DNMT3B: variants seen among roughly 807,000 people sequenced by gnomAD.
DNMT3B encodes DNA methyltransferase 3 beta.
DNMT3B carries 37 observed loss-of-function variants against 120.2 expected under a neutral mutation model. That is an observed-to-expected ratio of 0.31 (90% CI 0.24 to 0.40). The LOEUF (loss-of-function observed/expected upper bound fraction) is 0.40. DNMT3B is among the 10% of genes least tolerant of loss of function. The probability of loss-of-function intolerance (pLI) is 1.00; values close to 1 mark genes in which losing one functional copy is unlikely to be tolerated. For synonymous variants in DNMT3B, 412 were observed against 442.8 expected (o/e 0.93, Z 0.87); for missense variants, 878 against 1,137.3 (o/e 0.77, Z 3.28).
At chr20:32,792,957 C>T (rs1284834563) in intron 9 of DNMT3B, among the ~76,000 whole-genome samples, 187 bp downstream of exon 9, 2 of 152,242 alleles carry the variant, frequency 1.3e-5, no homozygotes, top group East Asian at 3.8e-4. Context: ...TCCCCGGCCA[C>T]TTTCTTGCTG....
intron 2 of DNMT3B, 47 bp from the exon 3 acceptor site, chr20:32,781,306 C>A (rs756075182): frequency 6.3e-6 from 10 of 1,598,286 alleles, no homozygotes; most frequent in Non-Finnish European, 8.5e-6. Flanking sequence ...GTTCCCCAGA[C>A]TGGTGCCTGC....
chr20:32,765,815 G>T (rs1367166732), intron 1 of DNMT3B, among the ~76,000 whole-genome samples: 1 of 145,966 alleles, frequency 6.9e-6, no homozygotes, highest in African/African-American at 2.6e-5. Context: ...GAGTGCAGTG[G>T]CGCGATCTCC....
chr20:32,789,481 C>G (rs1221149786), intron 7 of DNMT3B, among the ~76,000 whole-genome samples: 1 of 152,178 alleles, frequency 6.6e-6, no homozygotes, highest in Admixed American at 6.5e-5. Context: ...TTCAGAGTCT[C>G]TTGATGATTG....
intron 10 of DNMT3B, among the ~76,000 whole-genome samples, chr20:32,794,460 T>G (rs1002993343): frequency 6.6e-6 from 1 of 151,602 alleles, no homozygotes; most frequent in Non-Finnish European, 1.5e-5. Context: ...GGCAGGCAGA[T>G]CCCTTGTGGT....
intron 3 of DNMT3B, among the ~76,000 whole-genome samples, chr20:32,783,278 C>T (rs952237160): frequency 3.9e-5 from 6 of 152,142 alleles, no homozygotes; most frequent in African/African-American, 1.4e-4. Flanking sequence ...ATTAGGTGGG[C>T]TCAAGGAATT....
At chr20:32,791,436 T>C (rs1314373716) in intron 7 of DNMT3B, among the ~76,000 whole-genome samples, 165 bp from the exon 8 acceptor site, 1 of 152,218 alleles carries the variant, frequency 6.6e-6, no homozygotes, top group African/African-American at 2.4e-5. Context: ...TTTTCTGCTT[T>C]TTTCTTTCCT....
In DNMT3B at chr20:32,795,688, C is replaced by T. The variant is rs766801246; in HGVS notation, c.1291C>T (p.Leu431=). The stretch of plus-strand genomic sequence containing the variant: ...AGATGTTGCCAACAACAAGAGCAGC[C>T]TGGAAGGTAACGTTCTCTCCCTCCC... ...ASDVANNKSS[L]EDGCLSCGRK... The change falls in exon 12 of 23, where the codon CTG becomes TTG. Residue 431 remains leucine, a synonymous_variant. Coordinates refer to ENST00000328111, the MANE Select transcript of DNMT3B (RefSeq NM_006892.4). 6.2e-7 allele frequency: 1 copy of T among 1,614,136 alleles called. No individual in the cohort carries two copies.
chr20:32,778,424 C>G (rs1988180772), intron 1 of DNMT3B, among the ~76,000 whole-genome samples: 1 of 152,140 alleles, frequency 6.6e-6, no homozygotes, highest in Non-Finnish European at 1.5e-5. Flanking sequence ...GGAGATTTCT[C>G]CAGCCAGCTC....
At chr20:32,783,068 C>A (rs966192290) in intron 3 of DNMT3B, among the ~76,000 whole-genome samples, 2 of 152,038 alleles carry the variant, frequency 1.3e-5, no homozygotes, top group South Asian at 2.1e-4. Context: ...GGACTACAGG[C>A]AATGGACCAC....
At chr20:32,776,173 G>A (rs1405143884) in intron 1 of DNMT3B, among the ~76,000 whole-genome samples, 5 of 151,968 alleles carry the variant, frequency 3.3e-5, no homozygotes, top group African/African-American at 1.2e-4. Context: ...AGGTTGCAGT[G>A]AGCCGAGATC....
chr20:32,795,515 G>A lies in DNMT3B; in HGVS notation c.1233G>A (p.Gly411=). Residue 411 remains glycine, a synonymous_variant, in exon 11 of 23, where the codon GGG becomes GGA. Coordinates refer to ENST00000328111, the MANE Select transcript of DNMT3B (RefSeq NM_006892.4). The part of the protein sequence containing the change: ...TNCYNNGKDR[G]DEDQSREQMA... The stretch of plus-strand genomic sequence containing the variant: ...GCTATAACAACGGCAAAGACCGAGG[G>A]GATGAAGATCAGAGCCGAGGTGATT... The A allele has an allele frequency of 4.3e-6, 7 of 1,614,174 alleles. No individual in the cohort carries two copies. The highest frequency in any genetic ancestry group is 3.3e-5 in the South Asian group (3 of 91,084).
At chr20:32,792,514 A>G in intron 8 of DNMT3B, 112 bp from the exon 9 acceptor site, 1 of 1,579,798 alleles carries the variant, frequency 6.3e-7, no homozygotes, top group South Asian at 1.1e-5. Flanking sequence ...TCTGGCTATG[A>G]AAGGGCCCAG....
Position 32,795,554 on chromosome 20 carries a change from G to C in DNMT3B, c.1252+20G>C, listed in dbSNP as rs934375462. The C allele has an allele frequency of 6.2e-7, 1 of 1,614,172 alleles. No individual in the cohort carries two copies. Among genetic ancestry groups the C allele is most frequent in the Non-Finnish European group, 8.5e-7 (1 of 1,180,022 alleles). On this transcript the variant is annotated intron_variant, in intron 11 of 22. Transcript: ENST00000328111. ...GCCGAGGTGATTGTTGGGTACCTGG[G>C]ATCATGGGACAGATGGGAGGAGGAC...
chr20:32,797,463 G>T (rs992472), intron 14 of DNMT3B, among the ~76,000 whole-genome samples, 164 bp downstream of exon 14: 75,272 of 152,072 alleles, frequency 0.49, 20,285 homozygotes, highest in East Asian at 0.92. Context: ...GGTGGCTGTG[G>T]TTGTAGCATA....
At position 32,781,438 on chromosome 20, in the gene DNMT3B, T is replaced by C. The variant is rs373973931; in HGVS notation, c.204+24T>C. ...AGGTATGGTCTCTGCTCTCCCTTTTTCAGGGCTCAGGGACTTTGTCTTTGG... is the reference window on the plus strand; with the variant it reads ...AGGTATGGTCTCTGCTCTCCCTTTTCCAGGGCTCAGGGACTTTGTCTTTGG... On this transcript the variant is annotated intron_variant, in intron 3 of 22. Coordinates refer to ENST00000328111, the MANE Select transcript of DNMT3B (RefSeq NM_006892.4). The C allele has an allele frequency of 3.7e-6, 6 of 1,613,710 alleles. No individual in the cohort carries two copies. In the African/African-American group the frequency reaches 6.7e-5, roughly 18 times the overall value.
At chr20:32,765,523 C>T (rs977628462) in intron 1 of DNMT3B, among the ~76,000 whole-genome samples, 1 of 148,846 alleles carries the variant, frequency 6.7e-6, no homozygotes, top group Non-Finnish European at 1.5e-5. Flanking sequence ...CGGGTTCAAG[C>T]AATTCTCCTG....
intron 14 of DNMT3B, among the ~76,000 whole-genome samples, chr20:32,797,830 TTG>T (rs1422993982): frequency 2.6e-5 from 4 of 152,122 alleles, no homozygotes; most frequent in Admixed American, 2.6e-4. Flanking sequence ...CAGATAATTT[TTG>T]TGTTTTTAGT....
At chr20:32,765,527 TCTC>T (rs1302192355) in intron 1 of DNMT3B, among the ~76,000 whole-genome samples, 3 of 150,086 alleles carry the variant, frequency 2.0e-5, no homozygotes, top group African/African-American at 7.4e-5. Context: ...TTCAAGCAAT[TCTC>T]CTGCCTCAAC....
At chr20:32,790,133 T>C (rs1414410085) in intron 7 of DNMT3B, among the ~76,000 whole-genome samples, 1 of 152,196 alleles carries the variant, frequency 6.6e-6, no homozygotes, top group South Asian at 2.1e-4. Context: ...CATGAGCTAA[T>C]TGAAGTTTCC....
Sources: allele counts gnomAD v4.1 joint callset (sites outside exome capture counted in the v4.1 genomes callset), GRCh38; gene constraint gnomAD v4.1.1; transcripts MANE v1.5; gene names NCBI Gene and HGNC (gene_info 2026-07-23, HGNC 2026-07-21).